AFF3: variants seen among roughly 807,000 people sequenced by gnomAD.
AFF3 encodes the protein ALF transcription elongation factor 3.
In AFF3, 32 loss-of-function variants were observed where a neutral mutation model predicts 129.7. That is an observed-to-expected ratio of 0.25 (90% CI 0.19 to 0.33). The LOEUF (loss-of-function observed/expected upper bound fraction) is 0.33, where lower values mean the gene tolerates loss of function less well. AFF3 is among the 10% of genes least tolerant of loss of function. The pLI is 1.00. For missense variants in AFF3, 1,373 were observed against 1,592.0 expected (o/e 0.86, Z 2.34); for synonymous variants, 644 against 635.4 (o/e 1.01, Z -0.20).
intron 1 of AFF3, among the ~76,000 whole-genome samples, chr2:100,134,728 G>A (rs140801664): frequency 4.6e-5 from 7 of 152,112 alleles, no homozygotes; most frequent in Non-Finnish European, 5.9e-5. Context: ...GTTAGACAGC[G>A]TCTCAATATC....
chr2:99,713,419 C>T (rs996949751), intron 11 of AFF3, among the ~76,000 whole-genome samples: 1 of 151,744 alleles, frequency 6.6e-6, no homozygotes, highest in African/African-American at 2.4e-5. Context: ...CAGGCACGTG[C>T]CACCACGCTC....
chr2:99,924,615 G>C (rs927873191), intron 7 of AFF3, among the ~76,000 whole-genome samples: 17 of 152,112 alleles, frequency 1.1e-4, no homozygotes, highest in African/African-American at 3.9e-4. Flanking sequence ...GTCATGAGGA[G>C]GAGGGTTAAG....
At chr2:99,951,556 G>A (rs934822073) in intron 7 of AFF3, among the ~76,000 whole-genome samples, 1 of 152,186 alleles carries the variant, frequency 6.6e-6, no homozygotes, top group Non-Finnish European at 1.5e-5. Context: ...GGGTACAAGA[G>A]ATGACAGGTT....
intron 8 of AFF3, among the ~76,000 whole-genome samples, chr2:99,800,332 C>G (rs1187123874): frequency 6.6e-6 from 1 of 152,056 alleles, no homozygotes; most frequent in Non-Finnish European, 1.5e-5. Flanking sequence ...TCAATACAAC[C>G]AATCATGAAG....
chr2:99,778,672 A>G (rs1684133483), intron 8 of AFF3, among the ~76,000 whole-genome samples: 1 of 152,184 alleles, frequency 6.6e-6, no homozygotes, highest in Non-Finnish European at 1.5e-5. Context: ...AATGTTTTAT[A>G]GTGTTCAGTG....
rs1692828531 is a variant in AFF3, at chr2:100,140,706, A to ATTT, written c.-228+1777_-228+1778insAAA. Reference sequence around the variant, plus strand: ...ATGTGCCTATTTCCTGGTTTGCTGTACAAGATGTGTATGAGTACATGTCAT... The same window carrying ATTT: ...ATGTGCCTATTTCCTGGTTTGCTGTATTTCAAGATGTGTATGAGTACATGTCAT... On this transcript the variant is annotated intron_variant, in intron 1 of 24. Transcript: ENST00000672756. Among the ~76,000 whole-genome samples the ATTT allele has an allele frequency of 2.6e-5, 4 of 152,288 alleles. No homozygotes were observed. The East Asian group carries it at 7.7e-4, about 29-fold the overall frequency.
At chr2:100,004,063 A>G (rs17023412) in intron 7 of AFF3, among the ~76,000 whole-genome samples, 2,840 of 152,120 alleles carry the variant, frequency 0.019, 91 homozygotes, top group African/African-American at 0.065. Flanking sequence ...ATACGATGCC[A>G]AACAGCTATT....
At chr2:99,638,799 C>T (rs1683916042) in intron 13 of AFF3, among the ~76,000 whole-genome samples, 2 of 152,222 alleles carry the variant, frequency 1.3e-5, no homozygotes, top group African/African-American at 4.8e-5. Context: ...TGGAAACATA[C>T]ACATAACATC....
chr2:99,901,904 G>A (rs929342513), intron 7 of AFF3, among the ~76,000 whole-genome samples: 2 of 151,464 alleles, frequency 1.3e-5, no homozygotes, highest in African/African-American at 4.8e-5. Context: ...TTTCATGACC[G>A]GTCCCACAGT....
intron 2 of AFF3, among the ~76,000 whole-genome samples, chr2:100,115,881 T>TC (rs1420275906): frequency 6.6e-6 from 1 of 152,228 alleles, no homozygotes; most frequent in East Asian, 1.9e-4. Context: ...ACAGTTCTTT[T>TC]CCTTAAGTAC....
intron 2 of AFF3, among the ~76,000 whole-genome samples, chr2:100,119,657 A>G (rs1410876778): frequency 6.6e-6 from 1 of 152,248 alleles, no homozygotes; most frequent in Non-Finnish European, 1.5e-5. Flanking sequence ...TTTGATTCAC[A>G]TAACAACCAA....
intron 4 of AFF3, among the ~76,000 whole-genome samples, chr2:100,069,665 G>A (rs774693118): frequency 6.6e-6 from 1 of 152,064 alleles, no homozygotes; most frequent in Non-Finnish European, 1.5e-5. Context: ...ATCCTGTCTT[G>A]TTCTTCAAGC....
rs1693040934 is a variant in AFF3, at chr2:99,885,439, C to T, written c.874-47915G>A. On this transcript the variant is annotated intron_variant, in intron 7 of 24. Coordinates refer to ENST00000672756, the MANE Select transcript of AFF3 (RefSeq NM_001386135.1). ...ATTGTGTTTGGTACTCACATGCACA[C>T]AGCCTGCATGTAACATCACACCTTA... is the stretch of plus-strand genomic sequence containing the variant. 2.6e-5 allele frequency among the ~76,000 whole-genome samples: 4 copies of T among 152,208 alleles called. No homozygotes were observed. The South Asian group carries it at 6.2e-4, about 24-fold the overall frequency.
intron 7 of AFF3, among the ~76,000 whole-genome samples, chr2:99,977,472 C>T (rs746117524): frequency 1.3e-5 from 2 of 152,236 alleles, no homozygotes; most frequent in Non-Finnish European, 2.9e-5. Context: ...AAAGAAGTCT[C>T]ATCTGTGGTA....
At chr2:99,873,084 G>C (rs1191511593) in intron 7 of AFF3, among the ~76,000 whole-genome samples, 2 of 152,196 alleles carry the variant, frequency 1.3e-5, no homozygotes, top group African/African-American at 4.8e-5. Flanking sequence ...AATAAACGTA[G>C]CTTTTCTCAA....
chr2:99,964,405 A>G (rs555098744), intron 7 of AFF3, among the ~76,000 whole-genome samples: 1 of 152,318 alleles, frequency 6.6e-6, no homozygotes, highest in East Asian at 1.9e-4. Flanking sequence ...CACACAGAGC[A>G]TGTTCTCTAG....
At position 99,648,917 on chromosome 2, in the gene AFF3, A is replaced by ACACTCTCTCTCT; in HGVS notation, c.1184+708_1184+709insAGAGAGAGAGTG. Among the ~76,000 whole-genome samples the ACACTCTCTCTCT allele has an allele frequency of 6.6e-3, 309 of 46,910 alleles. 3 individuals are homozygous for ACACTCTCTCTCT. In the East Asian group the frequency reaches 0.089, roughly 14 times the overall value. 30.8% of individuals were successfully genotyped at this position (46,910 alleles called of 152,430 possible). ...CACACACACACACACACACACACAC[A>ACACTCTCTCTCT]CTCTCTCTCTCTCTCTCTCTCCAAT... On this transcript the variant is annotated intron_variant, in intron 13 of 24. Coordinates refer to ENST00000672756, the MANE Select transcript of AFF3 (RefSeq NM_001386135.1).
At chr2:99,807,443 A>G (rs1035242760) in intron 8 of AFF3, among the ~76,000 whole-genome samples, 1 of 151,928 alleles carries the variant, frequency 6.6e-6, no homozygotes. Flanking sequence ...CCCCTAATTG[A>G]CCATTTGGCT....
intron 7 of AFF3, among the ~76,000 whole-genome samples, chr2:99,932,531 G>A (rs1254641895): frequency 6.6e-6 from 1 of 152,098 alleles, no homozygotes; most frequent in Non-Finnish European, 1.5e-5. Flanking sequence ...ACACTACATC[G>A]ACCACTTCCC....
Sources: allele counts gnomAD v4.1 joint callset (sites outside exome capture counted in the v4.1 genomes callset), GRCh38; gene constraint gnomAD v4.1.1; transcripts MANE v1.5; gene names NCBI Gene and HGNC (gene_info 2026-07-23, HGNC 2026-07-21).